The following BUD31 variants were observed in gnomAD, a reference collection of about 807,000 sequenced individuals.
BUD31 encodes protein BUD31 homolog.
A neutral mutation model predicts 17.9 loss-of-function variants in BUD31; 9 were observed. The ratio of observed to expected loss-of-function variants is 0.50; its 90% confidence interval spans 0.30 to 0.88. BUD31 has a LOEUF of 0.88. Among genes scored for constraint, BUD31 ranks in the 40% least tolerant of loss-of-function variants. The probability of loss-of-function intolerance (pLI) is 0.06; values close to 1 mark genes in which losing one functional copy is unlikely to be tolerated. For synonymous variants in BUD31, 70 were observed against 64.7 expected (o/e 1.08, Z -0.39); for missense variants, 148 against 184.5 (o/e 0.80, Z 1.15).
chr7:99,409,189 C>G lies in BUD31; in HGVS notation c.-222C>G, dbSNP rs138620687. On this transcript the variant is annotated 5_prime_UTR_variant, in exon 1 of 6. Transcript: ENST00000222969. ...AGGAGGCGGCGCCACGTTCGTTCTT[C>G]TGAGGGGACGGTAGATTTGGGGGTT... 1 of 152,490 alleles carries G rather than the reference C, an allele frequency of 6.6e-6. No individual in the cohort carries two copies. The highest frequency in any genetic ancestry group is 1.5e-5 in the Non-Finnish European group (1 of 68,154). The allele number at this position is 152,490 out of a possible 1,614,324, so 9.4% of individuals were successfully genotyped here. A position where few individuals can be genotyped will look rare whatever the true frequency, so the allele number is the denominator to read the frequency against.
chr7:99,419,492 A>T lies in BUD31; in HGVS notation c.*51A>T. The T allele has an allele frequency of 6.2e-7, 1 of 1,600,408 alleles. No homozygotes were observed. The highest frequency in any genetic ancestry group is 8.5e-7 in the Non-Finnish European group (1 of 1,174,168). On this transcript the variant is annotated 3_prime_UTR_variant, in exon 6 of 6. Transcript: ENST00000222969. ...TGGACTTCGCAGGTTCCTGCCTGTC[A>T]CGCCACCCCCTTCCTGGGAGCAGCG... is the stretch of plus-strand genomic sequence containing the variant.
chr7:99,412,750 T>A (rs1279610930), intron 3 of BUD31, among the ~76,000 whole-genome samples: 1 of 151,418 alleles, frequency 6.6e-6, no homozygotes, highest in Non-Finnish European at 1.5e-5. Flanking sequence ...TAGCTGGGAC[T>A]ACAGGCGCCC....
At position 99,417,766 on chromosome 7, in the gene BUD31, C is replaced by G. The variant is rs559907081; in HGVS notation, c.384+171C>G. On this transcript the variant is annotated intron_variant, in intron 5 of 5. Coordinates refer to ENST00000222969, the MANE Select transcript of BUD31 (RefSeq NM_003910.4). Reference sequence around the variant, plus strand: ...CCTGTATTCAGGAATCCATGTGAGGCAGCGTGTGGCTGTGTGTTTGTTAGG... The same window carrying G: ...CCTGTATTCAGGAATCCATGTGAGGGAGCGTGTGGCTGTGTGTTTGTTAGG... 7.8e-6 allele frequency: 12 copies of G among 1,532,358 alleles called. No homozygotes were observed. In the Admixed American group the frequency reaches 2.0e-4, roughly 25 times the overall value. The allele number at this position is 1,532,358 out of a possible 1,614,324, so 94.9% of individuals were successfully genotyped here.
chr7:99,417,672 T>G (rs761606097), intron 5 of BUD31, 77 bp downstream of exon 5: 1 of 1,582,626 alleles, frequency 6.3e-7, no homozygotes, highest in East Asian at 2.3e-5. Flanking sequence ...GATCTTATGT[T>G]ATTTGGTTGG....
intron 3 of BUD31, 40 bp from the exon 4 acceptor site, chr7:99,416,098 C>T (rs756289882): frequency 8.7e-6 from 14 of 1,606,340 alleles, no homozygotes; most frequent in East Asian, 4.5e-5. Context: ...CTGCGCAGAC[C>T]GACCCTATTC....
rs1287126148 is a variant in BUD31, at chr7:99,418,082, C to T, written c.384+487C>T. 3 of 763,800 alleles carry T rather than the reference C, an allele frequency of 3.9e-6. No individual in the cohort carries two copies. The African/African-American group carries it at 5.7e-5, about 15-fold the overall frequency. The allele number at this position is 763,800 out of a possible 1,614,324, so 47.3% of individuals were successfully genotyped here. On this transcript the variant is annotated intron_variant, in intron 5 of 5. Transcript: ENST00000222969. Reference sequence around the variant, plus strand: ...TCCCGGGTTCAAGCGGTTCTCCTGCCTCATCCTCCTGAGTAGCTGGGACTA... The same window carrying T: ...TCCCGGGTTCAAGCGGTTCTCCTGCTTCATCCTCCTGAGTAGCTGGGACTA...
At chr7:99,410,529 C>T (rs1003888250) in intron 2 of BUD31, among the ~76,000 whole-genome samples, 1 of 151,954 alleles carries the variant, frequency 6.6e-6, no homozygotes, top group Non-Finnish European at 1.5e-5. Flanking sequence ...CATGAGCCAC[C>T]GTGCCTGACC....
At chr7:99,415,803 G>T (rs1339092183) in intron 3 of BUD31, among the ~76,000 whole-genome samples, 1 of 152,038 alleles carries the variant, frequency 6.6e-6, no homozygotes, top group African/African-American at 2.4e-5. Context: ...TCCCATCTCT[G>T]TATAGCCTGG....
In BUD31 at chr7:99,419,478, G is replaced by C. The variant is rs1202189639; in HGVS notation, c.*37G>C. 3.7e-6 allele frequency: 6 copies of C among 1,607,300 alleles called. No homozygotes were observed. Among genetic ancestry groups the C allele is most frequent in the Non-Finnish European group, 5.1e-6 (6 of 1,179,226 alleles). On this transcript the variant is annotated 3_prime_UTR_variant, in exon 6 of 6. Coordinates refer to ENST00000222969, the MANE Select transcript of BUD31 (RefSeq NM_003910.4). Reference sequence around the variant, plus strand: ...TCCACCCTGGACTCTGGACTTCGCAGGTTCCTGCCTGTCACGCCACCCCCT... The same window carrying C: ...TCCACCCTGGACTCTGGACTTCGCACGTTCCTGCCTGTCACGCCACCCCCT...
chr7:99,410,447 C>T (rs1293632545), intron 2 of BUD31, among the ~76,000 whole-genome samples: 1 of 145,612 alleles, frequency 6.9e-6, no homozygotes, highest in Non-Finnish European at 1.5e-5. Context: ...TCAGACTGGT[C>T]TCAAATTCCT....
chr7:99,417,882 T>C, intron 5 of BUD31: 1 of 1,360,180 alleles, frequency 7.4e-7, no homozygotes, highest in Non-Finnish European at 9.5e-7. Context: ...AATCCCAAGG[T>C]GGTGGCAGGG....
At chr7:99,417,711 CCTG>C in intron 5 of BUD31, 116 bp downstream of exon 5, 2 of 1,543,156 alleles carry the variant, frequency 1.3e-6, no homozygotes, top group Non-Finnish European at 1.7e-6. Context: ...CCCTGGATGT[CCTG>C]CTGGCTCTCC....
chr7:99,409,769 C>G (rs191698211), intron 1 of BUD31, among the ~76,000 whole-genome samples: 183 of 48,682 alleles, frequency 3.8e-3, no homozygotes, highest in Middle Eastern at 0.012. Context: ...GCTCTGTGGG[C>G]GGGGGGGGGG....
At chr7:99,415,217 A>C (rs1391341540) in intron 3 of BUD31, 3 of 455,700 alleles carry the variant, frequency 6.6e-6, no homozygotes, top group Non-Finnish European at 1.3e-5. Flanking sequence ...TATTTATTGG[A>C]TACAAGACAA....
intron 3 of BUD31, 47 bp from the exon 4 acceptor site, chr7:99,416,091 C>G (rs561610480): frequency 1.2e-6 from 2 of 1,602,810 alleles, no homozygotes; most frequent in Non-Finnish European, 1.7e-6. Flanking sequence ...GAAAATCCTG[C>G]GCAGACCGAC....
At chr7:99,410,930 A>G (rs1000087151) in intron 2 of BUD31, 134 bp from the exon 3 acceptor site, 6 of 609,258 alleles carry the variant, frequency 9.8e-6, no homozygotes, top group Non-Finnish European at 1.5e-5. Flanking sequence ...ATTTGAACAC[A>G]GTCTGGGTGC....
At chr7:99,414,148 T>A (rs1040189090) in intron 3 of BUD31, among the ~76,000 whole-genome samples, 7 of 150,710 alleles carry the variant, frequency 4.6e-5, no homozygotes, top group Non-Finnish European at 8.9e-5. Context: ...ATTTTTTTAT[T>A]TTTTTTTTTG....
intron 5 of BUD31, chr7:99,418,042 A>C (rs1584444391): frequency 1.9e-6 from 2 of 1,074,824 alleles, no homozygotes; most frequent in Non-Finnish European, 2.3e-6. Flanking sequence ...ATCTTGGCTC[A>C]CTGCAACCTC....
rs760647598 is a variant in BUD31, at chr7:99,417,572, G to T, written c.361G>T (p.Val121Leu). Residue 121 changes from valine (V) to leucine (L), a missense_variant, in exon 5 of 6, where the codon GTG (valine) becomes TTG (leucine). Coordinates refer to ENST00000222969, the MANE Select transcript of BUD31 (RefSeq NM_003910.4). ...TNFGTNCICR[V>L]PKSKLEVGRI... ...CTTCGGGACGAACTGCATCTGCCGC[G>T]TGCCCAAAAGCAAGCTGGAAGTGGT... The T allele has an allele frequency of 1.2e-6, 2 of 1,612,654 alleles. No individual in the cohort carries two copies. Among genetic ancestry groups the T allele is most frequent in the African/African-American group, 1.3e-5 (1 of 74,938 alleles).
Sources: gnomAD v4.1 joint callset for allele counts (sites outside exome capture counted in the v4.1 genomes callset) on GRCh38, gnomAD v4.1.1 for gene constraint, MANE v1.5 for transcripts, NCBI Gene and HGNC (gene_info 2026-07-23, HGNC 2026-07-21) for gene names.